KATNA1: variants seen among roughly 807,000 people sequenced by gnomAD.
KATNA1 encodes katanin p60 ATPase-containing subunit A1.
A neutral mutation model predicts 62.6 loss-of-function variants in KATNA1; 42 were observed. The ratio of observed to expected loss-of-function variants is 0.67; its 90% CI spans 0.52 to 0.87. The LOEUF (loss-of-function observed/expected upper bound fraction) is 0.87, where lower values mean the gene tolerates loss of function less well. Ranked by LOEUF, KATNA1 falls within the 40% of genes least tolerant of loss-of-function variation. The pLI, the probability that KATNA1 is intolerant of heterozygous loss-of-function variation, is 0.00. For missense variants in KATNA1, 498 were observed against 612.5 expected (o/e 0.81, Z 1.97); for synonymous variants, 186 against 201.9 (o/e 0.92, Z 0.67).
At chr6:149,636,535 TTCTC>T (rs1158068576) in intron 2 of KATNA1, among the ~76,000 whole-genome samples, 3 of 152,190 alleles carry the variant, frequency 2.0e-5, no homozygotes, top group Non-Finnish European at 1.5e-5. Flanking sequence ...GATAGGCTGT[TTCTC>T]TCAAAAAAAT....
Position 149,595,186 on chromosome 6 carries a change from TG to T in KATNA1, c.1325del (p.Pro442GlnfsTer25). 1.2e-6 allele frequency: 2 copies of T among 1,614,154 alleles called. No homozygotes were observed. The highest frequency in any genetic ancestry group is 1.7e-6 in the Non-Finnish European group (2 of 1,180,004). On this transcript the variant is annotated frameshift_variant, in exon 11 of 11. Coordinates refer to ENST00000367411, the MANE Select transcript of KATNA1 (RefSeq NM_007044.4). LOFTEE classifies it high-confidence loss of function. ...CTTTGGAAAGATTTCGGATTTCCTC[TG>T]GAGTCAAACCTTCAATGCGCCTTCT... is the stretch of plus-strand genomic sequence containing the variant. ...AMRRRIEGLT[P>X]EEIRNLSKEE...
chr6:149,621,114 C>T (rs1406747365), intron 4 of KATNA1, among the ~76,000 whole-genome samples: 1 of 151,344 alleles, frequency 6.6e-6, no homozygotes, highest in Non-Finnish European at 1.5e-5. Context: ...AACAGAAATC[C>T]TATGCCTTCT....
intron 4 of KATNA1, among the ~76,000 whole-genome samples, chr6:149,612,876 G>A (rs750191555): frequency 2.0e-5 from 3 of 151,892 alleles, no homozygotes; most frequent in South Asian, 2.1e-4. Flanking sequence ...TGCAACAAAC[G>A]CAGAAAAGCA....
At chr6:149,630,262 T>C (rs1207927616) in intron 3 of KATNA1, among the ~76,000 whole-genome samples, 1 of 152,218 alleles carries the variant, frequency 6.6e-6, no homozygotes, top group Non-Finnish European at 1.5e-5. Context: ...GGGAAAAATT[T>C]AGTAAATATC....
At chr6:149,601,125 TG>T (rs1778528890) in intron 7 of KATNA1, among the ~76,000 whole-genome samples, 1 of 152,184 alleles carries the variant, frequency 6.6e-6, no homozygotes, top group African/African-American at 2.4e-5. Flanking sequence ...TTTCTTCTAT[TG>T]GTACTCTGAT....
intron 3 of KATNA1, among the ~76,000 whole-genome samples, chr6:149,629,282 G>A (rs60909651): frequency 2.9e-4 from 44 of 152,212 alleles, no homozygotes; most frequent in Admixed American, 2.2e-3. Flanking sequence ...GCCCCAGTGC[G>A]CAATATGAAT....
At chr6:149,648,273 G>T (rs897095479) in intron 1 of KATNA1, among the ~76,000 whole-genome samples, 196 bp downstream of exon 1, 1 of 152,174 alleles carries the variant, frequency 6.6e-6, no homozygotes, top group Non-Finnish European at 1.5e-5. Context: ...CGCCTGACAG[G>T]ATTCCTCAGG....
chr6:149,595,670 AAAAC>A (rs1240438327), intron 10 of KATNA1, among the ~76,000 whole-genome samples: 1 of 152,166 alleles, frequency 6.6e-6, no homozygotes, highest in Non-Finnish European at 1.5e-5. Flanking sequence ...TTAAAAAAAA[AAAAC>A]AAAACTTCAG....
At chr6:149,638,888 C>T (rs914604268) in intron 1 of KATNA1, among the ~76,000 whole-genome samples, 6 of 152,000 alleles carry the variant, frequency 3.9e-5, no homozygotes, top group South Asian at 2.1e-4. Flanking sequence ...AGGCACCCAC[C>T]GCCATGCCCG....
chr6:149,609,612 G>A (rs563825120), intron 4 of KATNA1, among the ~76,000 whole-genome samples: 50 of 151,662 alleles, frequency 3.3e-4, no homozygotes, highest in African/African-American at 1.1e-3. Context: ...AGACCAGCCT[G>A]GCCAACACAG....
chr6:149,626,661 C>G (rs1417817521), intron 3 of KATNA1, among the ~76,000 whole-genome samples: 1 of 151,522 alleles, frequency 6.6e-6, no homozygotes, highest in Non-Finnish European at 1.5e-5. Flanking sequence ...TTAAAGCATA[C>G]AGGAGGATGT....
At chr6:149,598,884 A>G (rs879419745) in intron 7 of KATNA1, among the ~76,000 whole-genome samples, 3 of 151,960 alleles carry the variant, frequency 2.0e-5, no homozygotes, top group African/African-American at 4.8e-5. Flanking sequence ...TTTTTTTAAG[A>G]GGCAAGGTCT....
intron 1 of KATNA1, among the ~76,000 whole-genome samples, chr6:149,639,025 C>T (rs1780184151): frequency 6.6e-6 from 1 of 151,886 alleles, no homozygotes; most frequent in African/African-American, 2.4e-5. Context: ...AGGCATGAGC[C>T]ACCGCGCCTG....
chr6:149,595,825 A>G (rs1244069597), intron 10 of KATNA1, among the ~76,000 whole-genome samples: 1 of 152,260 alleles, frequency 6.6e-6, no homozygotes, highest in East Asian at 1.9e-4. Flanking sequence ...CACTTTAGAA[A>G]GGAGGAAACG....
intron 4 of KATNA1, among the ~76,000 whole-genome samples, chr6:149,614,327 T>C (rs1342047114): frequency 6.6e-6 from 1 of 152,174 alleles, no homozygotes; most frequent in Non-Finnish European, 1.5e-5. Flanking sequence ...TTGCAAGCCC[T>C]TCCCCTTCAG....
Position 149,598,223 on chromosome 6 carries a change from C to A in KATNA1, c.1015+1G>T. 2 of 1,613,820 alleles carry A rather than the reference C, an allele frequency of 1.2e-6. No individual in the cohort carries two copies. The highest frequency in any genetic ancestry group is 1.7e-4 in the Middle Eastern group (1 of 6,060). ...GTTCAACTCAAGCTAAACACAGATA[C>A]CATCCATCTGAACCAGCAGCTCCGC... On this transcript the variant is annotated splice_donor_variant, in intron 8 of 10. Coordinates refer to ENST00000367411, the MANE Select transcript of KATNA1 (RefSeq NM_007044.4). LOFTEE classifies it high-confidence loss of function.
intron 3 of KATNA1, among the ~76,000 whole-genome samples, chr6:149,625,754 C>T (rs1271318812): frequency 4.0e-5 from 6 of 151,778 alleles, no homozygotes; most frequent in Non-Finnish European, 7.4e-5. Context: ...GCCAACATGG[C>T]GAAACCCCGT....
chr6:149,648,446 G>C (rs764387149), intron 1 of KATNA1, 23 bp downstream of exon 1: 2 of 152,258 alleles, frequency 1.3e-5, no homozygotes, highest in South Asian at 2.1e-4. Context: ...GGTCCCCAGA[G>C]CACCGCCAGA....
chr6:149,602,275 C>G (rs184154793), intron 6 of KATNA1, among the ~76,000 whole-genome samples: 102 of 152,124 alleles, frequency 6.7e-4, no homozygotes, highest in African/African-American at 2.4e-3. Flanking sequence ...GCTGAGGCAG[C>G]GGAATCAATT....
Sources: allele counts gnomAD v4.1 joint callset (sites outside exome capture counted in the v4.1 genomes callset), GRCh38; gene constraint gnomAD v4.1.1; transcripts MANE v1.5; gene names NCBI Gene and HGNC (gene_info 2026-07-23, HGNC 2026-07-21).